Variants in ATPSCKMT observed in about 807,000 individuals in gnomAD.
ATPSCKMT encodes the protein ATP synthase c subunit lysine N-methyltransferase.
Under a neutral mutation model 24.3 loss-of-function variants are expected in ATPSCKMT, and 24 were observed. The ratio of observed to expected loss-of-function variants is 0.99; its 90% CI spans 0.71 to 1.39. ATPSCKMT has a LOEUF of 1.39. ATPSCKMT is among the 40% of genes most tolerant of loss of function. ATPSCKMT has a pLI of 0.00. For synonymous variants in ATPSCKMT, 95 were observed against 110.5 expected, an observed-to-expected ratio of 0.86 and a Z score of 0.88; for missense variants, 311 against 298.4, an observed-to-expected ratio of 1.04 and a Z score of -0.31.
intron 2 of ATPSCKMT, chr5:10,237,137 T>G: frequency 1.3e-6 from 1 of 798,990 alleles, no homozygotes; most frequent in Non-Finnish European, 1.8e-6. Flanking sequence ...ATGAAATGAA[T>G]CCCAATAACG....
chr5:10,240,289 T>C (rs1052784821), intron 1 of ATPSCKMT, among the ~76,000 whole-genome samples: 1 of 151,596 alleles, frequency 6.6e-6, no homozygotes, highest in African/African-American at 2.4e-5. Context: ...ATCATAAACA[T>C]AAAATAACGC....
intron 1 of ATPSCKMT, among the ~76,000 whole-genome samples, chr5:10,240,521 T>C (rs1455702130): frequency 1.3e-5 from 2 of 152,146 alleles, no homozygotes; most frequent in Non-Finnish European, 2.9e-5. Flanking sequence ...TCACTAATGA[T>C]GGGACCCTGA....
intron 1 of ATPSCKMT, chr5:10,249,454 TGTTACCACC>T (rs1195815071): frequency 4.5e-6 from 1 of 220,190 alleles, no homozygotes; most frequent in African/African-American, 2.3e-5. Context: ...TAGGCACTAC[TGTTACCACC>T]GTCACTTTGC....
At chr5:10,246,569 G>C (rs1423840306) in intron 1 of ATPSCKMT, among the ~76,000 whole-genome samples, 1 of 152,108 alleles carries the variant, frequency 6.6e-6, no homozygotes, top group African/African-American at 2.4e-5. Context: ...GATTCATCCA[G>C]GTTGCAACTT....
intron 1 of ATPSCKMT, among the ~76,000 whole-genome samples, chr5:10,240,307 A>C (rs575581376): frequency 6.6e-6 from 1 of 152,180 alleles, no homozygotes; most frequent in Non-Finnish European, 1.5e-5. Context: ...CGCAGACCCC[A>C]ATCACTGATT....
At chr5:10,249,477 C>A in intron 1 of ATPSCKMT, 1 of 248,996 alleles carries the variant, frequency 4.0e-6, no homozygotes, top group Non-Finnish European at 7.6e-6. Context: ...ACTTTGCAGA[C>A]AGGGAACCCG....
At chr5:10,227,744 A>C in intron 4 of ATPSCKMT, 97 bp from the exon 5 acceptor site, 1 of 1,093,120 alleles carries the variant, frequency 9.1e-7, no homozygotes, top group Non-Finnish European at 1.4e-6. Context: ...ATACCTGAGC[A>C]AAAATTACTA....
At position 10,236,633 on chromosome 5, in the gene ATPSCKMT, A is replaced by G. The variant is rs1579425200; in HGVS notation, c.307-18T>C. On this transcript the variant is annotated intron_variant, in intron 2 of 4. Transcript: ENST00000511437. ...GCTATGACCTGTGGAGAGAGGCAGG[A>G]TTTATTCAAAATAAGAAGAAAAAAT... 6.2e-7 allele frequency: 1 copy of G among 1,606,204 alleles called. No individual in the cohort carries two copies.
intron 4 of ATPSCKMT, among the ~76,000 whole-genome samples, chr5:10,234,661 C>T (rs1252919204): frequency 6.6e-6 from 1 of 152,190 alleles, no homozygotes; most frequent in Non-Finnish European, 1.5e-5. Context: ...CCACCATGAC[C>T]ATCCTTCCAA....
intron 4 of ATPSCKMT, among the ~76,000 whole-genome samples, chr5:10,229,083 T>G (rs1316922308): frequency 6.6e-6 from 1 of 152,244 alleles, no homozygotes; most frequent in Non-Finnish European, 1.5e-5. Context: ...AATATTTTCA[T>G]ACATAATCCC....
At chr5:10,244,168 T>C (rs1744775798) in intron 1 of ATPSCKMT, among the ~76,000 whole-genome samples, 1 of 152,196 alleles carries the variant, frequency 6.6e-6, no homozygotes, top group South Asian at 2.1e-4. Flanking sequence ...ATCGATTAAG[T>C]TCACTCTTAT....
Position 10,239,091 on chromosome 5 carries a change from GTCCACAAGGGA to G in ATPSCKMT, c.271_281del (p.Ser91HisfsTer3). On this transcript the variant is annotated frameshift_variant, in exon 2 of 5. Transcript: ENST00000511437. LOFTEE classifies it high-confidence loss of function. ...CAATGCGTCCGTCCCCACTACCGAT[GTCCACAAGGGA>G]TCCTCTTCGGCATCGCAACATTTTC... The G allele has an allele frequency of 6.2e-7, 1 of 1,614,144 alleles. No individual in the cohort carries two copies. Among genetic ancestry groups the G allele is most frequent in the Middle Eastern group, 1.7e-4 (1 of 6,060 alleles).
chr5:10,228,256 T>C (rs1005450042), intron 4 of ATPSCKMT, among the ~76,000 whole-genome samples: 3 of 152,194 alleles, frequency 2.0e-5, no homozygotes, highest in Non-Finnish European at 2.9e-5. Flanking sequence ...TGGTGCATCC[T>C]AAAATCAAGA....
intron 1 of ATPSCKMT, among the ~76,000 whole-genome samples, chr5:10,243,169 A>G (rs900025297): frequency 1.3e-5 from 2 of 152,224 alleles, no homozygotes; most frequent in African/African-American, 2.4e-5. Flanking sequence ...CTAGCTTCCA[A>G]TAGAAGGTTG....
intron 4 of ATPSCKMT, among the ~76,000 whole-genome samples, chr5:10,231,006 C>A (rs1007048575): frequency 6.6e-6 from 1 of 151,682 alleles, no homozygotes; most frequent in Non-Finnish European, 1.5e-5. Flanking sequence ...TCTCACCCAC[C>A]ACTGCCAGCC....
intron 2 of ATPSCKMT, among the ~76,000 whole-genome samples, chr5:10,237,669 G>A (rs34909370): frequency 0.011 from 1,714 of 152,274 alleles, 22 homozygotes; most frequent in Non-Finnish European, 0.018. Flanking sequence ...GTGTAAAACC[G>A]TAAGTCTAAT....
intron 4 of ATPSCKMT, among the ~76,000 whole-genome samples, chr5:10,230,699 G>C (rs1205946302): frequency 3.3e-5 from 5 of 152,088 alleles, no homozygotes; most frequent in Non-Finnish European, 7.4e-5. Context: ...AGTTCTGAAA[G>C]GTATAAGATA....
chr5:10,240,856 G>A (rs6869055), intron 1 of ATPSCKMT, among the ~76,000 whole-genome samples: 37,173 of 151,656 alleles, frequency 0.25, 4,833 homozygotes, highest in Middle Eastern at 0.3. Context: ...TTAGCCGGGC[G>A]TGGTGGTGCA....
chr5:10,243,913 A>C (rs76470958), intron 1 of ATPSCKMT, among the ~76,000 whole-genome samples: 1 of 152,360 alleles, frequency 6.6e-6, no homozygotes, highest in East Asian at 1.9e-4. Flanking sequence ...TAACTGTTTG[A>C]TGCCAGAGGC....
Sources: allele counts gnomAD v4.1 joint callset (sites outside exome capture counted in the v4.1 genomes callset), GRCh38; gene constraint gnomAD v4.1.1; transcripts MANE v1.5; gene names NCBI Gene and HGNC (gene_info 2026-07-23, HGNC 2026-07-21).